P3H2: variants seen among roughly 807,000 people sequenced by gnomAD.
The protein encoded by P3H2 is leprecan-like 1.
Under a neutral mutation model 87.0 loss-of-function variants are expected in P3H2, and 80 were observed. The ratio of observed to expected loss-of-function variants is 0.92; its 90% confidence interval spans 0.77 to 1.11. The LOEUF (loss-of-function observed/expected upper bound fraction) is 1.11. Ranked by LOEUF, P3H2 falls within the 50% of genes least tolerant of loss-of-function variation. The pLI is 0.00. For missense variants in P3H2, 1,001 were observed against 923.9 expected (o/e 1.08, Z -1.08); for synonymous variants, 367 against 359.3 (o/e 1.02, Z -0.24).
In P3H2 at chr3:189,979,243, G is replaced by A. The variant is rs145423850; in HGVS notation, c.1324+3803C>T. Among the ~76,000 whole-genome samples, 322 of 149,648 alleles carry A rather than the reference G, an allele frequency of 2.2e-3. 1 individual carries two copies. The highest frequency in any genetic ancestry group is 0.018 in the Admixed American group (267 of 14,728). The stretch of plus-strand genomic sequence containing the variant: ...GTTCAAGACCAGCCTGGGCAACACA[G>A]TGAAACCCCATCTCTACTAAAACAC... On this transcript the variant is annotated intron_variant, in intron 8 of 14. Transcript: ENST00000319332.
At chr3:190,018,155 T>C (rs1454431229) in intron 1 of P3H2, among the ~76,000 whole-genome samples, 1 of 152,206 alleles carries the variant, frequency 6.6e-6, no homozygotes, top group African/African-American at 2.4e-5. Context: ...ATTGCTTCTA[T>C]TTTAACATCG....
intron 1 of P3H2, among the ~76,000 whole-genome samples, chr3:190,067,679 T>C (rs1726555581): frequency 6.6e-6 from 1 of 152,178 alleles, no homozygotes; most frequent in African/African-American, 2.4e-5. Context: ...GCATATACTT[T>C]TGATTCTTCT....
chr3:190,120,757 G>C lies in P3H2; in HGVS notation c.-26C>G. The C allele has an allele frequency of 6.6e-7, 1 of 1,515,360 alleles. No individual in the cohort carries two copies. The highest frequency in any genetic ancestry group is 8.8e-7 in the Non-Finnish European group (1 of 1,138,904). 93.9% of individuals were successfully genotyped at this position (1,515,360 alleles called of 1,614,324 possible). On this transcript the variant is annotated 5_prime_UTR_variant, in exon 1 of 15. Transcript: ENST00000319332. ...CCTCCGCCTCAGAGAGGCGCGGGACGGTTACGCTCGAGAGGGCTTCGGGGC... is the reference window on the plus strand; with the variant it reads ...CCTCCGCCTCAGAGAGGCGCGGGACCGTTACGCTCGAGAGGGCTTCGGGGC...
intron 5 of P3H2, 22 bp from the exon 6 acceptor site, chr3:189,986,899 A>C: frequency 6.6e-7 from 1 of 1,523,548 alleles, no homozygotes; most frequent in Non-Finnish European, 9.1e-7. Flanking sequence ...GAAGTAAAGA[A>C]AGACATTTTT....
intron 1 of P3H2, among the ~76,000 whole-genome samples, chr3:190,092,376 C>T (rs911892381): frequency 3.3e-5 from 5 of 152,226 alleles, no homozygotes; most frequent in African/African-American, 1.2e-4. Flanking sequence ...GTCACTTCCT[C>T]ACCAACTTTG....
intron 1 of P3H2, among the ~76,000 whole-genome samples, chr3:190,089,469 C>T (rs1727340812): frequency 6.6e-6 from 1 of 152,210 alleles, no homozygotes; most frequent in Non-Finnish European, 1.5e-5. Context: ...GATGGGCATA[C>T]ATGTCCAGAG....
At chr3:190,028,424 A>T (rs1725149846) in intron 1 of P3H2, among the ~76,000 whole-genome samples, 1 of 152,194 alleles carries the variant, frequency 6.6e-6, no homozygotes, top group Non-Finnish European at 1.5e-5. Flanking sequence ...CTGTTTGAAG[A>T]GGTATCCCAG....
In P3H2 at chr3:189,957,989, C is replaced by T. The variant is rs1722692600; in HGVS notation, c.2050G>A (p.Asp684Asn). Reference protein sequence around the residue: ...LYRELERIQADEVIAILDQEQ... With the variant: ...LYRELERIQANEVIAILDQEQ... The stretch of plus-strand genomic sequence containing the variant: ...TGATCCAGAATTGCAATCACTTCAT[C>T]AGCCTGTATTCGCTCCTGCAAAAAA... The change falls in exon 15 of 15, where the codon GAT (aspartate) becomes AAT (asparagine). Residue 684 changes from aspartate to asparagine, a missense_variant. By Grantham distance (23) the Asp-to-Asn change is conservative. Transcript: ENST00000319332. 1 of 1,613,204 alleles carries T rather than the reference C, an allele frequency of 6.2e-7. No homozygotes were observed. The highest frequency in any genetic ancestry group is 8.5e-7 in the Non-Finnish European group (1 of 1,179,280).
At chr3:189,959,399 T>TC (rs1328236694) in intron 14 of P3H2, among the ~76,000 whole-genome samples, 6 of 73,936 alleles carry the variant, frequency 8.1e-5, no homozygotes, top group South Asian at 1.2e-3. Context: ...ATGCTATCCC[T>TC]CCCCCCTCCC....
intron 1 of P3H2, among the ~76,000 whole-genome samples, chr3:190,059,723 T>C (rs1162754755): frequency 6.6e-6 from 1 of 152,144 alleles, no homozygotes; most frequent in African/African-American, 2.4e-5. Flanking sequence ...AAACACTGCA[T>C]GATGGCTAGG....
intron 1 of P3H2, among the ~76,000 whole-genome samples, chr3:190,005,617 T>C (rs867477903): frequency 3.3e-5 from 5 of 152,374 alleles, no homozygotes; most frequent in South Asian, 2.1e-4. Context: ...CAAAAGCCTT[T>C]CCACTTGTAC....
chr3:189,974,512 T>C (rs1444723917), intron 9 of P3H2, 46 bp downstream of exon 9: 1 of 1,611,984 alleles, frequency 6.2e-7, no homozygotes, highest in African/African-American at 1.3e-5. Flanking sequence ...TTCCAGCTTC[T>C]TGGCAGGCCA....
At chr3:190,071,574 T>C (rs1726698791) in intron 1 of P3H2, among the ~76,000 whole-genome samples, 1 of 152,250 alleles carries the variant, frequency 6.6e-6, no homozygotes, top group Non-Finnish European at 1.5e-5. Context: ...ACAATTGTGC[T>C]GTTTTACTCC....
intron 1 of P3H2, among the ~76,000 whole-genome samples, chr3:190,007,534 C>T (rs1295983836): frequency 6.6e-6 from 1 of 152,044 alleles, no homozygotes; most frequent in East Asian, 1.9e-4. Flanking sequence ...CGAGCAAAGT[C>T]TTCACTTGAG....
intron 1 of P3H2, among the ~76,000 whole-genome samples, chr3:190,027,029 C>T (rs867817041): frequency 9.9e-5 from 15 of 152,224 alleles, no homozygotes; most frequent in South Asian, 4.1e-4. Flanking sequence ...TAGGTGATTT[C>T]GAAACATTTA....
intron 3 of P3H2, among the ~76,000 whole-genome samples, chr3:189,989,761 C>T (rs1163446584): frequency 1.3e-5 from 2 of 152,110 alleles, no homozygotes. Context: ...TCCTATTTCT[C>T]TTCACTCCCC....
At chr3:190,081,875 T>G (rs542515780) in intron 1 of P3H2, among the ~76,000 whole-genome samples, 1 of 152,294 alleles carries the variant, frequency 6.6e-6, no homozygotes, top group African/African-American at 2.4e-5. Context: ...TTATGAAGTA[T>G]AAAAATGTGC....
rs752861827 is a variant in P3H2 at position 189,974,594 on chromosome 3, CG to C, written c.1415del (p.Ser472TrpfsTer41). The C allele has an allele frequency of 6.2e-7, 1 of 1,614,120 alleles. No homozygotes were observed. Among genetic ancestry groups the C allele is most frequent in the South Asian group, 1.1e-5 (1 of 91,070 alleles). On this transcript the variant is annotated frameshift_variant, in exon 9 of 15. Coordinates refer to ENST00000319332, the MANE Select transcript of P3H2 (RefSeq NM_018192.4). LOFTEE classifies it high-confidence loss of function. ...TQRVLLDNVL[S>X]EEQCRELHSV... The stretch of plus-strand genomic sequence containing the variant: ...TGTGGAGCTCCCGGCACTGTTCTTC[CG>C]ACAGGACGTTATCCAGGAGAACCCG...
At chr3:190,046,785 T>C (rs1618868) in intron 1 of P3H2, among the ~76,000 whole-genome samples, 89,596 of 151,764 alleles carry the variant, frequency 0.59, 27,835 homozygotes, top group Admixed American at 0.72. Context: ...TTATTTTTAA[T>C]TTAATTTAAT....
Sources: allele counts gnomAD v4.1 joint callset (sites outside exome capture counted in the v4.1 genomes callset), GRCh38; gene constraint gnomAD v4.1.1; transcripts MANE v1.5; gene names NCBI Gene and HGNC (gene_info 2026-07-23, HGNC 2026-07-21).